TMEM108: variants seen among roughly 807,000 people sequenced by gnomAD.
TMEM108 encodes transmembrane protein 108.
TMEM108 carries 12 observed loss-of-function variants against 35.1 expected under a neutral mutation model. The ratio of observed to expected loss-of-function variants is 0.34; its 90% CI spans 0.22 to 0.55. The LOEUF is 0.55. TMEM108 is among the 20% of genes least tolerant of loss of function. The pLI is 0.89. For missense variants in TMEM108, 680 were observed against 753.3 expected (o/e 0.90, Z 1.14); for synonymous variants, 287 against 308.6 (o/e 0.93, Z 0.73).
intron 3 of TMEM108, among the ~76,000 whole-genome samples, chr3:133,269,774 C>G (rs1453396013): frequency 6.6e-6 from 1 of 152,184 alleles, no homozygotes; most frequent in East Asian, 1.9e-4. Context: ...ATTACAGAGC[C>G]TTAGGGAGAA....
At chr3:133,064,066 G>A (rs2107684176) in intron 2 of TMEM108, among the ~76,000 whole-genome samples, 1 of 152,190 alleles carries the variant, frequency 6.6e-6, no homozygotes. Context: ...TCTTTTGTCT[G>A]GACAGAAGAA....
intron 2 of TMEM108, among the ~76,000 whole-genome samples, chr3:133,111,627 CATACT>C (rs1257998987): frequency 6.6e-6 from 1 of 152,010 alleles, no homozygotes; most frequent in Non-Finnish European, 1.5e-5. Flanking sequence ...TGCATTTTAT[CATACT>C]ATATAATATG....
At position 133,221,194 on chromosome 3, in the gene TMEM108, A is replaced by T. The variant is rs972717406; in HGVS notation, c.-46-8072A>T. On this transcript the variant is annotated intron_variant, in intron 2 of 5. Coordinates refer to ENST00000321871, the MANE Select transcript of TMEM108 (RefSeq NM_023943.4). ...TTTGTAGCTCCTCTCTTCTCTCTGG[A>T]GAATGTAGGATGGGGCTGAAAGCTG... Among the ~76,000 whole-genome samples the T allele has an allele frequency of 2.6e-5, 4 of 152,116 alleles. No homozygotes were observed. The South Asian group carries it at 8.3e-4, about 32-fold the overall frequency.
At chr3:133,168,703 A>G (rs1945081227) in intron 2 of TMEM108, among the ~76,000 whole-genome samples, 3 of 152,232 alleles carry the variant, frequency 2.0e-5, no homozygotes, top group Admixed American at 6.5e-5. Context: ...CTGAGCCAGC[A>G]GCGGCAACCC....
chr3:133,040,146 A>G (rs1351237800), intron 1 of TMEM108, among the ~76,000 whole-genome samples: 1 of 152,126 alleles, frequency 6.6e-6, no homozygotes, highest in Non-Finnish European at 1.5e-5. Context: ...GACTTCACAC[A>G]AACCAAATTA....
At chr3:133,093,368 A>C (rs1943973278) in intron 2 of TMEM108, among the ~76,000 whole-genome samples, 1 of 151,800 alleles carries the variant, frequency 6.6e-6, no homozygotes, top group South Asian at 2.1e-4. Flanking sequence ...TGCAGTTAGA[A>C]CTCTTGGGAC....
At chr3:133,185,441 A>G (rs1361707698) in intron 2 of TMEM108, among the ~76,000 whole-genome samples, 5 of 54,336 alleles carry the variant, frequency 9.2e-5, no homozygotes, top group African/African-American at 2.4e-4. Flanking sequence ...TTGTTTAACT[A>G]TTTCATGTCC....
intron 3 of TMEM108, among the ~76,000 whole-genome samples, chr3:133,368,556 G>A (rs531952687): frequency 2.0e-5 from 3 of 152,322 alleles, no homozygotes; most frequent in African/African-American, 7.2e-5. Flanking sequence ...ACTCTGGCCT[G>A]TGGGATGTGT....
intron 2 of TMEM108, among the ~76,000 whole-genome samples, chr3:133,195,442 C>T (rs768411875): frequency 9.2e-5 from 14 of 152,134 alleles, no homozygotes; most frequent in Non-Finnish European, 1.3e-4. Context: ...TCTCAGCTAT[C>T]ATCTTCTTTA....
intron 2 of TMEM108, among the ~76,000 whole-genome samples, chr3:133,107,455 GGTGTGTGTGTGT>G (rs59305794): frequency 1.4e-3 from 195 of 143,602 alleles, no homozygotes; most frequent in Admixed American, 5.8e-3. Context: ...AAGTGTATGT[GGTGTGTGTGTGT>G]GTGTGTGTGT....
intron 2 of TMEM108, among the ~76,000 whole-genome samples, chr3:133,223,455 T>C (rs1946021702): frequency 6.6e-6 from 1 of 152,222 alleles, no homozygotes. Context: ...GAGCATGGGT[T>C]GCAAGGGTGG....
At chr3:133,151,626 T>A (rs570234576) in intron 2 of TMEM108, among the ~76,000 whole-genome samples, 179 of 152,198 alleles carry the variant, frequency 1.2e-3, no homozygotes, top group Non-Finnish European at 2.2e-3. Context: ...ATGCTAGAAA[T>A]AAATAATAGT....
chr3:133,316,342 CT>C (rs2071199099), intron 3 of TMEM108, among the ~76,000 whole-genome samples: 1 of 152,070 alleles, frequency 6.6e-6, no homozygotes, highest in Non-Finnish European at 1.5e-5. Context: ...GCAATGGAAA[CT>C]GAAAAAAGTA....
At chr3:133,285,856 A>G (rs1247764742) in intron 3 of TMEM108, among the ~76,000 whole-genome samples, 2 of 152,052 alleles carry the variant, frequency 1.3e-5, no homozygotes, top group Admixed American at 6.5e-5. Flanking sequence ...GGATATGTTT[A>G]TCTTGTTTTG....
chr3:133,216,064 G>T (rs918976024), intron 2 of TMEM108, among the ~76,000 whole-genome samples: 18 of 150,488 alleles, frequency 1.2e-4, no homozygotes, highest in Non-Finnish European at 1.6e-4. Context: ...ACACCACCTT[G>T]TTTTTTTTTC....
intron 2 of TMEM108, among the ~76,000 whole-genome samples, chr3:133,083,995 A>G (rs142637302): frequency 8.9e-4 from 135 of 152,300 alleles, no homozygotes; most frequent in African/African-American, 3.1e-3. Context: ...TGACACGGTT[A>G]TAGGGAGCAG....
chr3:133,052,717 G>A (rs1207312205), intron 2 of TMEM108, among the ~76,000 whole-genome samples: 1 of 151,694 alleles, frequency 6.6e-6, no homozygotes, highest in Non-Finnish European at 1.5e-5. Flanking sequence ...CCTAAATGTT[G>A]GAGGGGGCTC....
rs1025597848 is a variant in TMEM108, at chr3:133,302,285, G to A, written c.40+72934G>A. ...TGCATGCGTGCGCGTGCACGGGTGT[G>A]CACACACACACACTGCTTACCAGAC... On this transcript the variant is annotated intron_variant, in intron 3 of 5. Coordinates refer to ENST00000321871, the MANE Select transcript of TMEM108 (RefSeq NM_023943.4). Among the ~76,000 whole-genome samples, 6 of 151,684 alleles carry A rather than the reference G, an allele frequency of 4.0e-5. 1 individual carries two copies. Among genetic ancestry groups the A allele is most frequent in the African/African-American group, 1.5e-4 (6 of 41,132 alleles).
intron 2 of TMEM108, among the ~76,000 whole-genome samples, chr3:133,072,796 A>G (rs756234810): frequency 6.6e-6 from 1 of 152,152 alleles, no homozygotes; most frequent in Non-Finnish European, 1.5e-5. Flanking sequence ...CCTCATACCC[A>G]TTAGCAGTCA....
Sources: gnomAD v4.1 joint callset for allele counts (sites outside exome capture counted in the v4.1 genomes callset) on GRCh38, gnomAD v4.1.1 for gene constraint, MANE v1.5 for transcripts, NCBI Gene and HGNC (gene_info 2026-07-23, HGNC 2026-07-21) for gene names.